The following ALDH1A2 variants were observed in gnomAD, a reference collection of about 807,000 sequenced individuals.
ALDH1A2 encodes aldehyde dehydrogenase 1 family member A2.
In ALDH1A2, 27 loss-of-function variants were observed where a neutral mutation model predicts 60.3. The ratio of observed to expected loss-of-function variants is 0.45; its 90% CI spans 0.33 to 0.62. The LOEUF is 0.62. ALDH1A2 is among the 20% of genes least tolerant of loss of function. The pLI is 0.02. For missense variants in ALDH1A2, 581 were observed against 643.8 expected (o/e 0.90, Z 1.06); for synonymous variants, 289 against 232.4 (o/e 1.24, Z -2.21).
Position 57,954,976 on chromosome 15 carries a change from C to CAATATTTGGTATGATTA in ALDH1A2, c.*204_*220dup. On this transcript the variant is annotated 3_prime_UTR_variant, in exon 13 of 13. Transcript: ENST00000249750. ...CCTCCTCCCTTTATCCCACTTTCCC[C>CAATATTTGGTATGATTA]AATATTTGGTATGATTAAGGTGGCC... The CAATATTTGGTATGATTA allele has an allele frequency of 1.7e-6, 1 of 604,580 alleles. No individual in the cohort carries two copies. The highest frequency in any genetic ancestry group is 3.0e-6 in the Non-Finnish European group (1 of 337,774). 37.5% of individuals were successfully genotyped at this position (604,580 alleles called of 1,614,324 possible).
chr15:57,970,723 T>G (rs1236669252), intron 7 of ALDH1A2, among the ~76,000 whole-genome samples: 7 of 152,178 alleles, frequency 4.6e-5, no homozygotes, highest in Non-Finnish European at 8.8e-5. Flanking sequence ...CTCAGCGATA[T>G]AACACCTTTT....
At chr15:58,047,463 G>A (rs193071007) in intron 1 of ALDH1A2, among the ~76,000 whole-genome samples, 2 of 151,892 alleles carry the variant, frequency 1.3e-5, no homozygotes, top group African/African-American at 2.4e-5. Context: ...CCTTTTACAT[G>A]ATTGTCCCAC....
intron 12 of ALDH1A2, among the ~76,000 whole-genome samples, chr15:57,958,674 C>T (rs16977872): frequency 0.034 from 5,167 of 151,620 alleles, 206 homozygotes; most frequent in African/African-American, 0.096. Context: ...TCTGTGTAGA[C>T]GGAGGATTAA....
intron 1 of ALDH1A2, among the ~76,000 whole-genome samples, chr15:58,022,289 G>A (rs1469140812): frequency 6.6e-6 from 1 of 152,084 alleles, no homozygotes; most frequent in Non-Finnish European, 1.5e-5. Flanking sequence ...TCCGTACAGG[G>A]TACTGAGGTT....
At chr15:57,981,362 A>G (rs1894504125) in intron 7 of ALDH1A2, among the ~76,000 whole-genome samples, 1 of 152,014 alleles carries the variant, frequency 6.6e-6, no homozygotes, top group Non-Finnish European at 1.5e-5. Context: ...AGCCAAAAAT[A>G]TTTGTAAAAT....
intron 7 of ALDH1A2, among the ~76,000 whole-genome samples, chr15:57,978,378 T>C (rs1267763518): frequency 6.6e-6 from 1 of 152,198 alleles, no homozygotes; most frequent in African/African-American, 2.4e-5. Flanking sequence ...ACCTAGTTTA[T>C]TGGATTTTTA....
chr15:58,003,326 G>A (rs1346795336), intron 4 of ALDH1A2, among the ~76,000 whole-genome samples: 1 of 151,808 alleles, frequency 6.6e-6, no homozygotes, highest in African/African-American at 2.4e-5. Context: ...GATGGAACAA[G>A]AATACTTCAG....
chr15:58,009,018 GA>G (rs1895546166), intron 4 of ALDH1A2, among the ~76,000 whole-genome samples: 1 of 152,006 alleles, frequency 6.6e-6, no homozygotes, highest in Non-Finnish European at 1.5e-5. Context: ...TTGAACAAGG[GA>G]AAAACCTCTA....
At chr15:58,036,501 G>C (rs1200572554) in intron 1 of ALDH1A2, 5 of 151,414 alleles carry the variant, frequency 3.3e-5, no homozygotes. Context: ...TTAACATTAA[G>C]GGACCTGCGC....
intron 4 of ALDH1A2, among the ~76,000 whole-genome samples, chr15:57,999,913 G>A (rs1169162439): frequency 6.6e-6 from 1 of 151,968 alleles, no homozygotes; most frequent in Non-Finnish European, 1.5e-5. Context: ...GACCTTTGCA[G>A]GGACAATAGA....
chr15:58,026,262 G>A (rs1896077171), intron 1 of ALDH1A2, among the ~76,000 whole-genome samples: 1 of 152,124 alleles, frequency 6.6e-6, no homozygotes, highest in Non-Finnish European at 1.5e-5. Context: ...AGGAATGCAA[G>A]GATGGTTCAA....
intron 1 of ALDH1A2, among the ~76,000 whole-genome samples, chr15:58,020,659 G>T (rs538685814): frequency 6.6e-6 from 1 of 152,148 alleles, no homozygotes; most frequent in South Asian, 2.1e-4. Flanking sequence ...GCCACTAGAG[G>T]TAACCACTAA....
chr15:57,984,262 C>T (rs1298607193), intron 7 of ALDH1A2, among the ~76,000 whole-genome samples: 1 of 152,210 alleles, frequency 6.6e-6, no homozygotes, highest in Admixed American at 6.5e-5. Context: ...GTATTCAAAG[C>T]ATTTAGCAGG....
intron 1 of ALDH1A2, chr15:58,058,227 C>T (rs1050367087): frequency 1.0e-4 from 63 of 613,500 alleles, no homozygotes; most frequent in South Asian, 9.5e-4. Context: ...CACTATCACA[C>T]ACATCTCAGT....
At chr15:58,057,914 G>C in intron 1 of ALDH1A2, 2 of 567,140 alleles carry the variant, frequency 3.5e-6, no homozygotes, top group Non-Finnish European at 5.1e-6. Context: ...AAATAAAAAT[G>C]ACCCTGAGAT....
intron 4 of ALDH1A2, among the ~76,000 whole-genome samples, chr15:58,004,922 G>C (rs1209825972): frequency 6.6e-6 from 1 of 151,174 alleles, no homozygotes; most frequent in Non-Finnish European, 1.5e-5. Flanking sequence ...TCATGGATTA[G>C]AAGACTCAAT....
intron 1 of ALDH1A2, among the ~76,000 whole-genome samples, chr15:58,016,776 C>A (rs545808972): frequency 1.3e-5 from 2 of 152,018 alleles, no homozygotes; most frequent in Non-Finnish European, 2.9e-5. Flanking sequence ...AAAAAAATTA[C>A]GAAATTGCCT....
Position 57,995,065 on chromosome 15 carries a change from G to T in ALDH1A2, c.555+13C>A. Reference sequence around the variant, plus strand: ...AATGAAAATAAATACGAGGTGCGAGGAAATACACTCACTGGGATGATCTGT... The same window carrying T: ...AATGAAAATAAATACGAGGTGCGAGTAAATACACTCACTGGGATGATCTGT... On this transcript the variant is annotated intron_variant, in intron 5 of 12. Coordinates refer to ENST00000249750, the MANE Select transcript of ALDH1A2 (RefSeq NM_003888.4). The T allele has an allele frequency of 6.2e-7, 1 of 1,605,636 alleles. No homozygotes were observed. Among genetic ancestry groups the T allele is most frequent in the Non-Finnish European group, 8.5e-7 (1 of 1,172,670 alleles).
At chr15:58,064,598 G>A (rs1897124801) in intron 1 of ALDH1A2, among the ~76,000 whole-genome samples, 1 of 152,232 alleles carries the variant, frequency 6.6e-6, no homozygotes, top group South Asian at 2.1e-4. Context: ...GAAATGTACC[G>A]AAAGGACTAG....
Sources: allele counts gnomAD v4.1 joint callset (sites outside exome capture counted in the v4.1 genomes callset), GRCh38; gene constraint gnomAD v4.1.1; transcripts MANE v1.5; gene names NCBI Gene and HGNC (gene_info 2026-07-23, HGNC 2026-07-21).